GRB10: variants seen among roughly 807,000 people sequenced by gnomAD.
GRB10 encodes the protein growth factor receptor-bound protein 10.
In GRB10, 20 loss-of-function variants were observed where a neutral mutation model predicts 80.9. The observed-to-expected ratio is 0.25, with a 90% CI of 0.17 to 0.36. The LOEUF (loss-of-function observed/expected upper bound fraction) is 0.36. Among genes scored for constraint, GRB10 ranks in the 10% least tolerant of loss-of-function variants. The pLI, the probability that GRB10 is intolerant of heterozygous loss-of-function variation, is 1.00. For synonymous variants in GRB10, 291 were observed against 291.5 expected, an observed-to-expected ratio of 1.00 and a Z score of 0.02; for missense variants, 548 against 747.7, an observed-to-expected ratio of 0.73 and a Z score of 3.12.
Position 50,755,984 on chromosome 7 carries a change from G to A in GRB10, c.-144C>T. On this transcript the variant is annotated 5_prime_UTR_variant, in exon 3 of 19. Transcript: ENST00000401949. Reference sequence around the variant, plus strand: ...GGACCTGGCTGCCGGTCACTGGGCTGCTGGTCACTGAGCTACCAGTCACTG... The same window carrying A: ...GGACCTGGCTGCCGGTCACTGGGCTACTGGTCACTGAGCTACCAGTCACTG... 2.5e-6 allele frequency: 1 copy of A among 398,882 alleles called. No homozygotes were observed. The highest frequency in any genetic ancestry group is 4.4e-6 in the Non-Finnish European group (1 of 226,292). The allele number at this position is 398,882 out of a possible 1,614,324, so 24.7% of individuals were successfully genotyped here. A position where few individuals can be genotyped will look rare whatever the true frequency, so the allele number is the denominator to read the frequency against.
At chr7:50,630,186 C>T (rs906985926) in intron 7 of GRB10, among the ~76,000 whole-genome samples, 1 of 152,210 alleles carries the variant, frequency 6.6e-6, no homozygotes. Context: ...AAGCAAAACA[C>T]TGCTTAATCA....
chr7:50,776,254 C>T (rs560551875), intron 2 of GRB10, among the ~76,000 whole-genome samples: 4 of 152,282 alleles, frequency 2.6e-5, no homozygotes, highest in East Asian at 1.9e-4. Flanking sequence ...CATTCTGTCA[C>T]GCAGGCTAGA....
rs182989853 is a variant in GRB10 at position 50,633,840 on chromosome 7, C to T, written c.505-6862G>A. Among the ~76,000 whole-genome samples, 594 of 151,896 alleles carry T rather than the reference C, an allele frequency of 3.9e-3. 3 individuals are homozygous for T. Among genetic ancestry groups the T allele is most frequent in the Admixed American group, 8.0e-3 (122 of 15,260 alleles). ...TGAAGACTAGTCTTTTGAATTAGCC[C>T]AGATAAGAAGAAACAACAATTTTTT... On this transcript the variant is annotated intron_variant, in intron 7 of 18. Transcript: ENST00000401949.
chr7:50,656,499 C>G (rs1410246374), intron 7 of GRB10, among the ~76,000 whole-genome samples: 3 of 152,248 alleles, frequency 2.0e-5, no homozygotes, highest in Non-Finnish European at 4.4e-5. Flanking sequence ...ATCCCTGTCA[C>G]TGCAGGGCCA....
intron 1 of GRB10, chr7:50,781,034 A>T (rs2078217710): frequency 6.6e-6 from 1 of 152,208 alleles, no homozygotes; most frequent in Non-Finnish European, 1.5e-5. Context: ...TTAATCGACC[A>T]ATCTGGAACT....
chr7:50,619,281 C>T lies in GRB10; in HGVS notation c.666G>A (p.Arg222=), dbSNP rs1164212707. The change falls in exon 9 of 19, where the codon AGG becomes AGA. Residue 222 remains arginine (R), a synonymous_variant. Transcript: ENST00000401949. ...CCACCAGCTCATGGTCTTCCAAGCACCTCTCTGCAGGGGCAAAGCATCACG... is the reference window on the plus strand; with the variant it reads ...CCACCAGCTCATGGTCTTCCAAGCATCTCTCTGCAGGGGCAAAGCATCACG... ...VEHHPHLGLE[R]CLEDHELVVQ... 1 of 1,600,880 alleles carries T rather than the reference C, an allele frequency of 6.2e-7. No individual in the cohort carries two copies. The highest frequency in any genetic ancestry group is 1.1e-5 in the South Asian group (1 of 90,806).
At chr7:50,694,934 C>T (rs1305920607) in intron 5 of GRB10, among the ~76,000 whole-genome samples, 1 of 152,208 alleles carries the variant, frequency 6.6e-6, no homozygotes, top group Non-Finnish European at 1.5e-5. Context: ...TCTCTAAAAA[C>T]TTGACAATGA....
intron 2 of GRB10, among the ~76,000 whole-genome samples, chr7:50,777,334 C>T (rs1427256913): frequency 3.3e-5 from 5 of 151,940 alleles, no homozygotes; most frequent in African/African-American, 9.7e-5. Context: ...GACTTAAACA[C>T]CTCCTAAAGG....
At chr7:50,715,222 G>T (rs13311390) in intron 4 of GRB10, among the ~76,000 whole-genome samples, 2 of 151,010 alleles carry the variant, frequency 1.3e-5, no homozygotes, top group African/African-American at 4.9e-5. Context: ...TGAAGGGCAG[G>T]CGCGATCTGG....
At chr7:50,759,968 G>C (rs1400026688) in intron 2 of GRB10, among the ~76,000 whole-genome samples, 2 of 152,198 alleles carry the variant, frequency 1.3e-5, no homozygotes, top group Admixed American at 6.5e-5. Flanking sequence ...AACAGGCCCA[G>C]ACTCCATCTA....
intron 8 of GRB10, among the ~76,000 whole-genome samples, chr7:50,621,071 C>A (rs2051628297): frequency 6.6e-6 from 1 of 152,212 alleles, no homozygotes; most frequent in South Asian, 2.1e-4. Flanking sequence ...GGCATTTTGT[C>A]TCCAAAGAAC....
intron 2 of GRB10, among the ~76,000 whole-genome samples, chr7:50,764,713 CA>C (rs112112550): frequency 0.012 from 1,884 of 152,276 alleles, 50 homozygotes; most frequent in African/African-American, 0.043. Flanking sequence ...AAAACCGTCC[CA>C]ACTTCATGCA....
chr7:50,677,562 G>A (rs1393679449), intron 5 of GRB10, among the ~76,000 whole-genome samples: 1 of 152,204 alleles, frequency 6.6e-6, no homozygotes, highest in Admixed American at 6.5e-5. Flanking sequence ...AGTTATAGTG[G>A]AGACCACGAA....
At chr7:50,789,922 T>C (rs2078844692) in intron 1 of GRB10, among the ~76,000 whole-genome samples, 1 of 152,206 alleles carries the variant, frequency 6.6e-6, no homozygotes, top group African/African-American at 2.4e-5. Flanking sequence ...AGAAGAGCCA[T>C]CAGCCTGCCT....
intron 6 of GRB10, among the ~76,000 whole-genome samples, chr7:50,673,233 C>A (rs1285027232): frequency 6.6e-6 from 1 of 152,184 alleles, no homozygotes; most frequent in Non-Finnish European, 1.5e-5. Context: ...GGGCAAGGGG[C>A]AGTCCCAGCA....
intron 3 of GRB10, among the ~76,000 whole-genome samples, chr7:50,751,910 T>C (rs550409709): frequency 2.0e-5 from 3 of 152,348 alleles, no homozygotes; most frequent in African/African-American, 7.2e-5. Flanking sequence ...GTTAGGTTTC[T>C]ATGAGCCAGT....
intron 8 of GRB10, among the ~76,000 whole-genome samples, chr7:50,622,866 C>G (rs1244530380): frequency 6.6e-6 from 1 of 151,758 alleles, no homozygotes; most frequent in African/African-American, 2.4e-5. Context: ...ACACAGCTCT[C>G]TGCAGCCTCA....
At chr7:50,755,482 C>T (rs2074930478) in intron 3 of GRB10, among the ~76,000 whole-genome samples, 1 of 152,176 alleles carries the variant, frequency 6.6e-6, no homozygotes, top group Admixed American at 6.5e-5. Flanking sequence ...TGTTCTAGCC[C>T]ACCTTCAGAA....
Position 50,775,005 on chromosome 7 carries a change from A to C in GRB10, c.-217+5622T>G, listed in dbSNP as rs148685817. ...ATACCAAAAACAAAACAAAACAAAAAAAAAAACTAGCTGGGCGTGATGGCA... is the reference window on the plus strand; with the variant it reads ...ATACCAAAAACAAAACAAAACAAAACAAAAAACTAGCTGGGCGTGATGGCA... On this transcript the variant is annotated intron_variant, in intron 2 of 18. Transcript: ENST00000401949. Among the ~76,000 whole-genome samples, 1,200 of 151,040 alleles carry C rather than the reference A, an allele frequency of 7.9e-3. 22 individuals carry two copies. Among genetic ancestry groups the C allele is most frequent in the African/African-American group, 0.023 (965 of 41,288 alleles).
Sources: gnomAD v4.1 joint callset for allele counts (sites outside exome capture counted in the v4.1 genomes callset) on GRCh38, gnomAD v4.1.1 for gene constraint, MANE v1.5 for transcripts, NCBI Gene and HGNC (gene_info 2026-07-23, HGNC 2026-07-21) for gene names.